The following ERCC2 variants were observed in gnomAD, a reference collection of about 807,000 sequenced individuals.
ERCC2 encodes the protein ERCC excision repair 2, TFIIH core complex helicase subunit.
In ERCC2, 90 loss-of-function variants were observed where a neutral mutation model predicts 99.4. That is an observed-to-expected ratio of 0.91 (90% confidence interval 0.76 to 1.08). ERCC2 has a LOEUF of 1.08. ERCC2 is among the 50% of genes least tolerant of loss of function. The pLI, the probability that ERCC2 is intolerant of heterozygous loss-of-function variation, is 0.00. For missense variants in ERCC2, 993 were observed against 1,038.1 expected (o/e 0.96, Z 0.60); for synonymous variants, 497 against 432.4 (o/e 1.15, Z -1.85).
At position 45,351,250 on chromosome 19, in the gene ERCC2, A is replaced by C. The variant is rs200327565; in HGVS notation, c.*379T>G. On this transcript the variant is annotated 3_prime_UTR_variant, in exon 23 of 23. Coordinates refer to ENST00000391945, the MANE Select transcript of ERCC2 (RefSeq NM_000400.4). ...AGGGTGGATGTAACACTTGCCCCTCACCTCCCCTCCAACCATCCCCTGTGC... is the reference window on the plus strand; with the variant it reads ...AGGGTGGATGTAACACTTGCCCCTCCCCTCCCCTCCAACCATCCCCTGTGC... 157 of 694,284 alleles carry C rather than the reference A, an allele frequency of 2.3e-4. 1 individual carries two copies. The highest frequency in any genetic ancestry group is 1.6e-3 in the South Asian group (57 of 36,186). The allele number at this position is 694,284 out of a possible 1,614,324, so 43.0% of individuals were successfully genotyped here.
Position 45,360,716 on chromosome 19 carries a change from G to A in ERCC2, c.1237+808C>T, listed in dbSNP as rs191904678. ...GTATTTTTAGTAAAGATGGGGTTTC[G>A]CCATGTTCACCAGGCCAGTCTCGAA... On this transcript the variant is annotated intron_variant, in intron 12 of 22. Coordinates refer to ENST00000391945, the MANE Select transcript of ERCC2 (RefSeq NM_000400.4). Among the ~76,000 whole-genome samples, 340 of 151,920 alleles carry A rather than the reference G, an allele frequency of 2.2e-3. 1 individual carries two copies. The highest frequency in any genetic ancestry group is 3.2e-3 in the Non-Finnish European group (219 of 67,946).
At chr19:45,359,079 G>C (rs1298803261) in intron 12 of ERCC2, 1 of 598,902 alleles carries the variant, frequency 1.7e-6, no homozygotes, top group Non-Finnish European at 3.0e-6. Flanking sequence ...CTCAGATAGT[G>C]ATGACTGAGA....
chr19:45,351,795 C>A, intron 22 of ERCC2, 74 bp from the exon 23 acceptor site: 2 of 1,381,148 alleles, frequency 1.4e-6, no homozygotes, highest in Admixed American at 1.7e-5. Flanking sequence ...ACTTCCCCAA[C>A]CACCCCCCCG....
At chr19:45,363,198 C>A (rs1972285743) in intron 11 of ERCC2, among the ~76,000 whole-genome samples, 1 of 152,172 alleles carries the variant, frequency 6.6e-6, no homozygotes, top group African/African-American at 2.4e-5. Context: ...GACTGACTCC[C>A]CCAAAATGCG....
rs368902491 is a variant in ERCC2 at position 45,352,387 on chromosome 19, C to T, written c.2047-35G>A. ...GAAGCGCAGGCCAGGGACAGAAGGT[C>T]ATTCGGGGAGCCTGGGCCACTCTCC... On this transcript the variant is annotated intron_variant, in intron 21 of 22. Transcript: ENST00000391945. 1,543 of 1,613,736 alleles carry T rather than the reference C, an allele frequency of 9.6e-4. 3 individuals are homozygous for T. Among genetic ancestry groups the T allele is most frequent in the Non-Finnish European group, 1.0e-3 (1,220 of 1,179,998 alleles).
In ERCC2 at chr19:45,362,478, A is replaced by C. The variant is rs183069862; in HGVS notation, c.1119-836T>G. 7.5e-4 allele frequency among the ~76,000 whole-genome samples: 115 copies of C among 152,330 alleles called. 1 individual carries two copies. The highest frequency in any genetic ancestry group is 2.6e-3 in the African/African-American group (107 of 41,568). On this transcript the variant is annotated intron_variant, in intron 11 of 22. Transcript: ENST00000391945. ...CACGCATGTGCAGGGCCACTCGGCC[A>C]CAACCACACACAGGCAGGGCCGAGG... is the stretch of plus-strand genomic sequence containing the variant.
intron 22 of ERCC2, 80 bp downstream of exon 22, chr19:45,352,122 AGGGTGGG>A (rs3038768): frequency 2.1e-6 from 3 of 1,437,364 alleles, no homozygotes; most frequent in African/African-American, 1.4e-5. Context: ...AGGCAGGCTG[AGGGTGGG>A]GAGTGGGGAG....
chr19:45,369,635 T>C (rs1415702315), intron 2 of ERCC2, among the ~76,000 whole-genome samples: 1 of 152,192 alleles, frequency 6.6e-6, no homozygotes, highest in Non-Finnish European at 1.5e-5. Flanking sequence ...TGTGAGAAAT[T>C]GCAGGTTAAA....
At chr19:45,358,762 T>C in intron 12 of ERCC2, 1 of 761,674 alleles carries the variant, frequency 1.3e-6, no homozygotes. Flanking sequence ...CAATGTATTT[T>C]TTTTCATGAT....
chr19:45,351,838 T>G, intron 22 of ERCC2, 117 bp from the exon 23 acceptor site: 2 of 893,320 alleles, frequency 2.2e-6, no homozygotes, highest in Non-Finnish European at 3.5e-6. Flanking sequence ...TTTGAATGAA[T>G]TTGGAGATGT....
In ERCC2 at chr19:45,370,169, G is replaced by A. The variant is rs1479282079; in HGVS notation, c.69C>T (p.Ser23=). Residue 23 remains serine, a synonymous_variant, in exon 2 of 23, where the codon TCC becomes TCT. Coordinates refer to ENST00000391945, the MANE Select transcript of ERCC2 (RefSeq NM_000400.4). ...GCGTGCGTTTGAGCTCCCGCATGTA[G>A]GAGAACTGCTCGGGGTAGATGTAGT... ...PYDYIYPEQF[S]YMRELKRTLD... is the part of the protein sequence containing the mutation. 6 of 1,613,284 alleles carry A rather than the reference G, an allele frequency of 3.7e-6. No homozygotes were observed. Among genetic ancestry groups the A allele is most frequent in the South Asian group, 1.1e-5 (1 of 91,078 alleles).
intron 5 of ERCC2, among the ~76,000 whole-genome samples, chr19:45,365,790 C>CAA (rs112452981): frequency 5.8e-4 from 86 of 148,264 alleles, no homozygotes; most frequent in African/African-American, 1.5e-3. Context: ...GACTCCCTCT[C>CAA]AAAAAAAAAA....
chr19:45,354,036 C>CTGTGA (rs1971926810), intron 17 of ERCC2, among the ~76,000 whole-genome samples: 2 of 152,192 alleles, frequency 1.3e-5, no homozygotes, highest in African/African-American at 4.8e-5. Context: ...AAGCACAAGG[C>CTGTGA]CGATGTCCTG....
At chr19:45,355,200 T>C (rs1416414230) in intron 16 of ERCC2, among the ~76,000 whole-genome samples, 1 of 152,048 alleles carries the variant, frequency 6.6e-6, no homozygotes, top group South Asian at 2.1e-4. Context: ...CTACTAAAAA[T>C]ACAAAAATTA....
At chr19:45,361,459 AC>A (rs1972215674) in intron 12 of ERCC2, 64 bp downstream of exon 12, 2 of 1,172,890 alleles carry the variant, frequency 1.7e-6, no homozygotes, top group Non-Finnish European at 2.6e-6. Context: ...AACCCTCTAG[AC>A]CCTGCTGGGA....
Position 45,350,382 on chromosome 19 carries a change from A to G in ERCC2, c.*1247T>C. 1 of 1,613,778 alleles carries G rather than the reference A, an allele frequency of 6.2e-7. No individual in the cohort carries two copies. Among genetic ancestry groups the G allele is most frequent in the Non-Finnish European group, 8.5e-7 (1 of 1,179,942 alleles). ...AACAGAACAAGTATCAACAAGCGGAAGAGCTGTACAAAGAAATCCTCCACA... is the reference window on the plus strand; with the variant it reads ...AACAGAACAAGTATCAACAAGCGGAGGAGCTGTACAAAGAAATCCTCCACA... On this transcript the variant is annotated 3_prime_UTR_variant, in exon 23 of 23. Transcript: ENST00000391945.
intron 11 of ERCC2, chr19:45,361,857 A>G (rs1316592493): frequency 1.7e-6 from 1 of 581,676 alleles, no homozygotes; most frequent in Admixed American, 2.3e-5. Flanking sequence ...CAGACAGAGC[A>G]ATAATCAGAC....
Position 45,351,040 on chromosome 19 carries a change from A to C in ERCC2, c.*589T>G, listed in dbSNP as rs1212116665. The stretch of plus-strand genomic sequence containing the variant: ...CAGGTGAGGGGGACATCTGGGTCAA[A>C]AATAGAGGAGGCCATGTGGGTAGGT... On this transcript the variant is annotated 3_prime_UTR_variant, in exon 23 of 23. Transcript: ENST00000391945. 1.2e-6 allele frequency: 2 copies of C among 1,614,026 alleles called. No individual in the cohort carries two copies. Among genetic ancestry groups the C allele is most frequent in the South Asian group, 1.1e-5 (1 of 91,074 alleles).
chr19:45,357,217 G>T, intron 15 of ERCC2, 53 bp downstream of exon 15: 2 of 1,344,864 alleles, frequency 1.5e-6, no homozygotes, highest in Non-Finnish European at 2.1e-6. Context: ...AAGGAGGGCG[G>T]CCCCTTGCCC....
Sources: gnomAD v4.1 joint callset for allele counts (sites outside exome capture counted in the v4.1 genomes callset) on GRCh38, gnomAD v4.1.1 for gene constraint, MANE v1.5 for transcripts, NCBI Gene and HGNC (gene_info 2026-07-23, HGNC 2026-07-21) for gene names.